Variants in CADPS2 observed in about 807,000 individuals in gnomAD.
CADPS2 encodes calcium dependent secretion activator 2.
CADPS2 carries 93 observed loss-of-function variants against 172.5 expected under a neutral mutation model. That is an observed-to-expected ratio of 0.54 (90% confidence interval 0.46 to 0.64). The LOEUF is 0.64. Among genes scored for constraint, CADPS2 ranks in the 30% least tolerant of loss-of-function variants. CADPS2 has a pLI of 0.00. For missense variants in CADPS2, 1,420 were observed against 1,565.9 expected (o/e 0.91, Z 1.57); for synonymous variants, 546 against 555.2 (o/e 0.98, Z 0.23).
intron 7 of CADPS2, among the ~76,000 whole-genome samples, chr7:122,568,825 A>G (rs2066811818): frequency 6.6e-6 from 1 of 152,182 alleles, no homozygotes; most frequent in African/African-American, 2.4e-5. Context: ...AAAGAAAAAA[A>G]TCATAAATTG....
intron 20 of CADPS2, among the ~76,000 whole-genome samples, chr7:122,395,192 C>T (rs958433271): frequency 3.3e-5 from 5 of 152,180 alleles, no homozygotes; most frequent in African/African-American, 4.8e-5. Flanking sequence ...AAGATGGCTT[C>T]GATATGTTAC....
At chr7:122,827,568 G>T (rs1805289180) in intron 1 of CADPS2, among the ~76,000 whole-genome samples, 1 of 151,334 alleles carries the variant, frequency 6.6e-6, no homozygotes, top group African/African-American at 2.4e-5. Context: ...GGAGGCGGAG[G>T]TTCTGGTGAG....
At chr7:122,467,549 T>A (rs60977505) in intron 14 of CADPS2, among the ~76,000 whole-genome samples, 2,033 of 152,270 alleles carry the variant, frequency 0.013, 44 homozygotes, top group African/African-American at 0.046. Flanking sequence ...ATTTTATATA[T>A]AAAACTACAG....
chr7:122,866,529 C>T (rs1818360529), intron 1 of CADPS2, among the ~76,000 whole-genome samples: 1 of 152,036 alleles, frequency 6.6e-6, no homozygotes, highest in African/African-American at 2.4e-5. Flanking sequence ...GGTGAAACCC[C>T]ATCTCTACTA....
chr7:122,779,353 G>A (rs1792060737), intron 1 of CADPS2, among the ~76,000 whole-genome samples: 1 of 152,120 alleles, frequency 6.6e-6, no homozygotes, highest in African/African-American at 2.4e-5. Context: ...TGGATCAGGT[G>A]CAAAGAGTGG....
In CADPS2 at chr7:122,534,843, G is replaced by A. The variant is rs568793490; in HGVS notation, c.1475+19707C>T. ...ATATCCAAGGTTCCTTAGCCACTAAGAAAAGAAGCAAATACAGTTTCTGAG... is the reference window on the plus strand; with the variant it reads ...ATATCCAAGGTTCCTTAGCCACTAAAAAAAGAAGCAAATACAGTTTCTGAG... On this transcript the variant is annotated intron_variant, in intron 8 of 29. Transcript: ENST00000449022. 7.2e-5 allele frequency among the ~76,000 whole-genome samples: 11 copies of A among 152,122 alleles called. No homozygotes were observed. The East Asian group carries it at 2.1e-3, about 29-fold the overall frequency.
At chr7:122,586,773 G>T (rs550250375) in intron 6 of CADPS2, among the ~76,000 whole-genome samples, 1 of 151,846 alleles carries the variant, frequency 6.6e-6, no homozygotes, top group East Asian at 1.9e-4. Context: ...TTATTTCACA[G>T]TATTTAATAT....
chr7:122,828,351 T>C (rs1022358578), intron 1 of CADPS2, among the ~76,000 whole-genome samples: 4 of 152,036 alleles, frequency 2.6e-5, no homozygotes, highest in African/African-American at 7.2e-5. Context: ...TGGGTTCCTT[T>C]TTTTTTTATC....
Position 122,348,682 on chromosome 7 carries a change from A to AGTG in CADPS2, c.3505-3004_3505-3002dup, listed in dbSNP as rs1361894894. ...TGTGACATATGGGAATTTCACACCT[A>AGTG]GTGAATACATTTTCATGTAGCTTGT... On this transcript the variant is annotated intron_variant, in intron 27 of 29. Coordinates refer to ENST00000449022, the MANE Select transcript of CADPS2 (RefSeq NM_017954.11). 2.0e-5 allele frequency among the ~76,000 whole-genome samples: 3 copies of AGTG among 152,188 alleles called. No homozygotes were observed. In the East Asian group the frequency reaches 5.8e-4, roughly 29 times the overall value.
At position 122,562,070 on chromosome 7, in the gene CADPS2, T is replaced by C. The variant is rs1422616298; in HGVS notation, c.1336-7381A>G. ...AGAATGATGGTAATTAATTCTACAG[T>C]GTGTTGTTTACTTAACAGTCTCTCA... is the stretch of plus-strand genomic sequence containing the variant. On this transcript the variant is annotated intron_variant, in intron 7 of 29. Coordinates refer to ENST00000449022, the MANE Select transcript of CADPS2 (RefSeq NM_017954.11). 2.6e-5 allele frequency among the ~76,000 whole-genome samples: 4 copies of C among 152,202 alleles called. No homozygotes were observed. In the South Asian group the frequency reaches 6.2e-4, roughly 24 times the overall value.
intron 6 of CADPS2, among the ~76,000 whole-genome samples, chr7:122,591,160 A>G (rs527371214): frequency 4.6e-5 from 7 of 152,140 alleles, no homozygotes; most frequent in South Asian, 2.1e-4. Context: ...AAATCAATGT[A>G]CAAAAATCAC....
rs202155427 is a variant in CADPS2, at chr7:122,367,539, GTTTTTTTTT to G, written c.3388-6535_3388-6527del. 3.1e-4 allele frequency among the ~76,000 whole-genome samples: 31 copies of G among 100,610 alleles called. 1 individual carries two copies. Among genetic ancestry groups the G allele is most frequent in the Middle Eastern group, 6.3e-3 (1 of 158 alleles). 66.0% of individuals were successfully genotyped at this position (100,610 alleles called of 152,430 possible). A position where few individuals can be genotyped will look rare whatever the true frequency, so the allele number is the denominator to read the frequency against. ...TAACCATATTCTAAACCTTCCCCCA[GTTTTTTTTT>G]TTTTTTTTTTTTTTTTAAGACAGTC... On this transcript the variant is annotated intron_variant, in intron 25 of 29. Transcript: ENST00000449022.
intron 25 of CADPS2, among the ~76,000 whole-genome samples, chr7:122,378,305 C>A (rs2042585986): frequency 6.6e-6 from 1 of 152,064 alleles, no homozygotes; most frequent in Admixed American, 6.5e-5. Flanking sequence ...TATTAATGTA[C>A]TTGATGTATT....
chr7:122,617,975 G>A (rs867812981), intron 5 of CADPS2, among the ~76,000 whole-genome samples: 1 of 151,926 alleles, frequency 6.6e-6, no homozygotes, highest in Non-Finnish European at 1.5e-5. Flanking sequence ...CCTGGGAGGC[G>A]GAGGTTGGCA....
chr7:122,719,859 A>G (rs543150191), intron 2 of CADPS2, among the ~76,000 whole-genome samples: 1 of 152,278 alleles, frequency 6.6e-6, no homozygotes, highest in Non-Finnish European at 1.5e-5. Context: ...AAAATCTTGC[A>G]TAGATTAATG....
intron 22 of CADPS2, 59 bp downstream of exon 22, chr7:122,393,137 C>T (rs908149496): frequency 5.1e-5 from 81 of 1,589,780 alleles, no homozygotes; most frequent in Non-Finnish European, 6.3e-5. Flanking sequence ...CTGCGCAGAA[C>T]ACAGCCCAGG....
chr7:122,485,161 T>G (rs889614637), intron 11 of CADPS2, among the ~76,000 whole-genome samples: 16 of 152,190 alleles, frequency 1.1e-4, no homozygotes, highest in African/African-American at 3.6e-4. Flanking sequence ...TTAGGCTAAC[T>G]AACAACCTGA....
intron 22 of CADPS2, among the ~76,000 whole-genome samples, chr7:122,389,276 G>A (rs2151453436): frequency 6.6e-6 from 1 of 152,118 alleles, no homozygotes; most frequent in East Asian, 1.9e-4. Context: ...AGGTAGGGAA[G>A]CAATCTTTTA....
At chr7:122,838,229 G>A (rs939202146) in intron 1 of CADPS2, among the ~76,000 whole-genome samples, 4 of 152,082 alleles carry the variant, frequency 2.6e-5, no homozygotes, top group East Asian at 3.9e-4. Flanking sequence ...AAATTCAACA[G>A]CCCTTCATGC....
Sources: allele counts gnomAD v4.1 joint callset (sites outside exome capture counted in the v4.1 genomes callset), GRCh38; gene constraint gnomAD v4.1.1; transcripts MANE v1.5; gene names NCBI Gene and HGNC (gene_info 2026-07-23, HGNC 2026-07-21).